Variants in AKAP10 observed in about 807,000 individuals in gnomAD.
The protein encoded by AKAP10 is A-kinase anchoring protein 10, also known as A-kinase anchor protein 10, mitochondrial.
In AKAP10, 24 loss-of-function variants were observed where a neutral mutation model predicts 80.8. The observed-to-expected ratio is 0.30, with a 90% CI of 0.22 to 0.42. The LOEUF (loss-of-function observed/expected upper bound fraction) is 0.42. AKAP10 is among the 10% of genes least tolerant of loss of function. The pLI is 1.00. For synonymous variants in AKAP10, 291 were observed against 277.7 expected (o/e 1.05, Z -0.48); for missense variants, 661 against 794.9 (o/e 0.83, Z 2.03).
At chr17:19,907,012 C>CT (rs1555572012) in intron 14 of AKAP10, among the ~76,000 whole-genome samples, 7 of 135,946 alleles carry the variant, frequency 5.1e-5, no homozygotes, top group Non-Finnish European at 7.8e-5. Flanking sequence ...TTCGAGTCTA[C>CT]TGTTTTTTTT....
At chr17:19,944,468 G>A (rs186573866) in intron 5 of AKAP10, among the ~76,000 whole-genome samples, 12 of 152,144 alleles carry the variant, frequency 7.9e-5, no homozygotes, top group African/African-American at 2.7e-4. Context: ...TGGCCAACAC[G>A]GTGAAACCCC....
intron 4 of AKAP10, among the ~76,000 whole-genome samples, chr17:19,957,037 C>T (rs1473875925): frequency 1.3e-5 from 2 of 151,904 alleles, no homozygotes; most frequent in African/African-American, 4.8e-5. Flanking sequence ...ATCACTTAGC[C>T]CTTTAAGACA....
At chr17:19,964,915 C>T (rs1487679205) in intron 2 of AKAP10, among the ~76,000 whole-genome samples, 4 of 151,980 alleles carry the variant, frequency 2.6e-5, no homozygotes, top group Non-Finnish European at 5.9e-5. Flanking sequence ...ACAACAACAA[C>T]AAAAAAGTAA....
chr17:19,935,550 CAT>C (rs1272746193), intron 9 of AKAP10, among the ~76,000 whole-genome samples: 2 of 152,156 alleles, frequency 1.3e-5, no homozygotes, highest in Non-Finnish European at 2.9e-5. Flanking sequence ...AAAACACAAA[CAT>C]ATACAGCTGT....
chr17:19,931,768 G>A lies in AKAP10; in HGVS notation c.1641+37C>T, dbSNP rs367760016. ...GGGATGTGAAGGAAAGGATGTGTAT[G>A]CTTTTCTCCCTAATGGCAGACGCAA... On this transcript the variant is annotated intron_variant, in intron 10 of 14. Transcript: ENST00000225737. 2.0e-5 allele frequency: 32 copies of A among 1,578,502 alleles called. No individual in the cohort carries two copies. In the Middle Eastern group the frequency reaches 6.8e-4, roughly 34 times the overall value.
At chr17:19,956,049 T>C (rs536726794) in intron 4 of AKAP10, among the ~76,000 whole-genome samples, 21 of 152,294 alleles carry the variant, frequency 1.4e-4, no homozygotes, top group African/African-American at 5.1e-4. Flanking sequence ...ATTTTGGAGT[T>C]TTACAGGGAC....
At chr17:19,920,626 T>C (rs2042799687) in intron 11 of AKAP10, among the ~76,000 whole-genome samples, 1 of 152,112 alleles carries the variant, frequency 6.6e-6, no homozygotes, top group South Asian at 2.1e-4. Context: ...GCGGATCACT[T>C]GAGGCCAGTA....
At chr17:19,963,892 A>G (rs1000615258) in intron 2 of AKAP10, among the ~76,000 whole-genome samples, 2 of 151,648 alleles carry the variant, frequency 1.3e-5, no homozygotes, top group Admixed American at 6.6e-5. Context: ...GTGAAACTCC[A>G]TCTCAAAAAA....
intron 12 of AKAP10, among the ~76,000 whole-genome samples, chr17:19,918,095 C>A (rs2042768574): frequency 1.3e-5 from 2 of 151,540 alleles, no homozygotes; most frequent in Non-Finnish European, 2.9e-5. Context: ...TGGCACGCGC[C>A]TGTAATCCCA....
chr17:19,925,652 G>C (rs2042868402), intron 10 of AKAP10, among the ~76,000 whole-genome samples: 2 of 143,216 alleles, frequency 1.4e-5, no homozygotes, highest in Non-Finnish European at 3.1e-5. Flanking sequence ...CCCCGACTAA[G>C]TAATAGGTTA....
At chr17:19,911,965 A>G (rs1056012973) in intron 12 of AKAP10, among the ~76,000 whole-genome samples, 4 of 151,606 alleles carry the variant, frequency 2.6e-5, no homozygotes, top group Admixed American at 2.0e-4. Flanking sequence ...GTCTCCCACC[A>G]ATGTATCGAA....
Position 19,904,414 on chromosome 17 carries a change from G to C in AKAP10, c.*1813C>G, listed in dbSNP as rs1441471936. The C allele has an allele frequency of 6.6e-6, 1 of 152,196 alleles. No individual in the cohort carries two copies. Among genetic ancestry groups the C allele is most frequent in the Non-Finnish European group, 1.5e-5 (1 of 68,036 alleles). 9.4% of individuals were successfully genotyped at this position (152,196 alleles called of 1,614,324 possible). On this transcript the variant is annotated 3_prime_UTR_variant, in exon 15 of 15. Transcript: ENST00000225737. ...GAATTTATCTTAACTGAAAGCACTA[G>C]TTTAAACAGCCTAGAGTCTTGTAGA...
At chr17:19,926,992 G>A (rs1021753061) in intron 10 of AKAP10, among the ~76,000 whole-genome samples, 1 of 152,076 alleles carries the variant, frequency 6.6e-6, no homozygotes, top group African/African-American at 2.4e-5. Context: ...GCATGGTGGT[G>A]GGTGCCTGTA....
chr17:19,949,798 G>A (rs1425212042), intron 4 of AKAP10, among the ~76,000 whole-genome samples: 2 of 148,626 alleles, frequency 1.3e-5, no homozygotes, highest in Admixed American at 1.3e-4. Context: ...AAAAAAAAAC[G>A]GTGTTATTAA....
rs2042612401 is a variant in AKAP10 at position 19,904,409 on chromosome 17, C to T, written c.*1818G>A. 1 of 152,202 alleles carries T rather than the reference C, an allele frequency of 6.6e-6. No homozygotes were observed. The highest frequency in any genetic ancestry group is 1.5e-5 in the Non-Finnish European group (1 of 68,042). 9.4% of individuals were successfully genotyped at this position (152,202 alleles called of 1,614,324 possible). A position where few individuals can be genotyped will look rare whatever the true frequency, so the allele number is the denominator to read the frequency against. ...GATTAGAATTTATCTTAACTGAAAG[C>T]ACTAGTTTAAACAGCCTAGAGTCTT... On this transcript the variant is annotated 3_prime_UTR_variant, in exon 15 of 15. Coordinates refer to ENST00000225737, the MANE Select transcript of AKAP10 (RefSeq NM_007202.4).
rs141710219 is a variant in AKAP10 at position 19,932,254 on chromosome 17, C to T, written c.1468-276G>A. On this transcript the variant is annotated intron_variant, in intron 9 of 14. Transcript: ENST00000225737. ...TCACTTGAGACCAGGAGTTCAAGAC[C>T]AGCCTGGCCAACATGATGAAACCCC... Among the ~76,000 whole-genome samples the T allele has an allele frequency of 2.7e-3, 403 of 151,896 alleles. 14 individuals carry two copies. The East Asian group carries it at 0.074, about 28-fold the overall frequency.
In AKAP10 at chr17:19,946,222, T is replaced by A. The variant is rs866135384; in HGVS notation, c.976+1185A>T. ...CATATATTTTATATATATATATATT[T>A]TATATATATATATATTATATATATA... On this transcript the variant is annotated intron_variant, in intron 5 of 14. Coordinates refer to ENST00000225737, the MANE Select transcript of AKAP10 (RefSeq NM_007202.4). Among the ~76,000 whole-genome samples the A allele has an allele frequency of 7.3e-3, 249 of 33,906 alleles. 7 individuals carry two copies. Among genetic ancestry groups the A allele is most frequent in the Non-Finnish European group, 8.6e-3 (158 of 18,412 alleles). 22.2% of individuals were successfully genotyped at this position (33,906 alleles called of 152,430 possible).
chr17:19,975,030 T>C (rs2043547592), intron 1 of AKAP10, among the ~76,000 whole-genome samples: 1 of 152,078 alleles, frequency 6.6e-6, no homozygotes. Flanking sequence ...TTAATATTCT[T>C]TCTGTATTTT....
rs139671391 is a variant in AKAP10, at chr17:19,947,079, C to T, written c.976+328G>A. 763 of 261,718 alleles carry T rather than the reference C, an allele frequency of 2.9e-3. 11 individuals are homozygous for T. Among genetic ancestry groups the T allele is most frequent in the African/African-American group, 0.016 (701 of 43,832 alleles). The allele number at this position is 261,718 out of a possible 1,614,324, so 16.2% of individuals were successfully genotyped here. A position where few individuals can be genotyped will look rare whatever the true frequency, so the allele number is the denominator to read the frequency against. On this transcript the variant is annotated intron_variant, in intron 5 of 14. Coordinates refer to ENST00000225737, the MANE Select transcript of AKAP10 (RefSeq NM_007202.4). The stretch of plus-strand genomic sequence containing the variant: ...AAGTTTCTGTCCCGCCCACTTCGTG[C>T]ACTGGTGCGGGGCTGCCGGCCAGTC...
Sources: gnomAD v4.1 joint callset for allele counts (sites outside exome capture counted in the v4.1 genomes callset) on GRCh38, gnomAD v4.1.1 for gene constraint, MANE v1.5 for transcripts, NCBI Gene and HGNC (gene_info 2026-07-23, HGNC 2026-07-21) for gene names.